The following ELOVL5 variants were observed in gnomAD, a reference collection of about 807,000 sequenced individuals.
ELOVL5 encodes ELOVL fatty acid elongase 5.
ELOVL5 carries 8 observed loss-of-function variants against 38.6 expected under a neutral mutation model. The ratio of observed to expected loss-of-function variants is 0.21; its 90% CI spans 0.12 to 0.37. The LOEUF is 0.37. ELOVL5 is among the 10% of genes least tolerant of loss of function. The pLI is 1.00. For synonymous variants in ELOVL5, 127 were observed against 133.7 expected (o/e 0.95, Z 0.34); for missense variants, 280 against 367.8 (o/e 0.76, Z 1.95).
chr6:53,304,967 G>A (rs1388804641), intron 1 of ELOVL5, among the ~76,000 whole-genome samples: 1 of 151,938 alleles, frequency 6.6e-6, no homozygotes. Flanking sequence ...GGTGGTGGCC[G>A]GGCAGAGGGG....
rs1765822010 is a variant in ELOVL5 at position 53,268,851 on chromosome 6, A to C, written c.*276T>G. On this transcript the variant is annotated 3_prime_UTR_variant, in exon 8 of 8. Transcript: ENST00000304434. ...ACAATTCAGCACCTATCATGTTATA[A>C]CTAATAAGGCAACAGCAGTGTTGTA... is the stretch of plus-strand genomic sequence containing the variant. 1 of 279,706 alleles carries C rather than the reference A, an allele frequency of 3.6e-6. No individual in the cohort carries two copies. The highest frequency in any genetic ancestry group is 6.6e-6 in the Non-Finnish European group (1 of 151,080). The allele number at this position is 279,706 out of a possible 1,614,324, so 17.3% of individuals were successfully genotyped here.
intron 2 of ELOVL5, chr6:53,294,234 T>C: frequency 6.6e-7 from 1 of 1,513,928 alleles, no homozygotes; most frequent in Non-Finnish European, 8.9e-7. Context: ...TAGAGAATCC[T>C]TAGGATCTAG....
intron 1 of ELOVL5, among the ~76,000 whole-genome samples, chr6:53,338,027 C>G (rs1014357204): frequency 6.6e-6 from 1 of 151,954 alleles, no homozygotes; most frequent in Non-Finnish European, 1.5e-5. Flanking sequence ...GTGGGGCACC[C>G]AACGATGAAA....
intron 1 of ELOVL5, among the ~76,000 whole-genome samples, chr6:53,314,763 C>T (rs1767965882): frequency 6.6e-6 from 1 of 152,120 alleles, no homozygotes; most frequent in African/African-American, 2.4e-5. Flanking sequence ...AACAGCTTAA[C>T]ACACACCCAC....
chr6:53,337,063 T>C lies in ELOVL5; in HGVS notation c.-9+11754A>G, dbSNP rs116024475. The C allele has an allele frequency of 5.0e-4, 76 of 152,364 alleles. 1 individual carries two copies. Among genetic ancestry groups the C allele is most frequent in the African/African-American group, 1.7e-3 (70 of 41,564 alleles). 9.4% of individuals were successfully genotyped at this position (152,364 alleles called of 1,614,324 possible). The stretch of plus-strand genomic sequence containing the variant: ...GTCTTTGATCTCCTCGGAAGCCTCA[T>C]CTACATATTTTGGGTAACAGGGTAC... On this transcript the variant is annotated intron_variant, in intron 1 of 7. Coordinates refer to ENST00000304434, the MANE Select transcript of ELOVL5 (RefSeq NM_021814.5).
chr6:53,279,776 C>A (rs2127569652), intron 3 of ELOVL5, among the ~76,000 whole-genome samples: 1 of 152,278 alleles, frequency 6.6e-6, no homozygotes, highest in Middle Eastern at 3.4e-3. Flanking sequence ...ATTCTCAAAT[C>A]TCCCTGGCTT....
intron 1 of ELOVL5, among the ~76,000 whole-genome samples, chr6:53,324,009 T>C (rs1768405897): frequency 6.6e-6 from 1 of 152,108 alleles, no homozygotes; most frequent in African/African-American, 2.4e-5. Flanking sequence ...TCCTAGCACT[T>C]TGGGAGACTG....
intron 1 of ELOVL5, among the ~76,000 whole-genome samples, chr6:53,334,425 C>T (rs1381364386): frequency 6.6e-6 from 1 of 152,108 alleles, no homozygotes; most frequent in Non-Finnish European, 1.5e-5. Flanking sequence ...TTTTAATTTA[C>T]TAATTTTTAA....
intron 3 of ELOVL5, chr6:53,290,642 T>C (rs1026389702): frequency 6.6e-6 from 1 of 152,322 alleles, no homozygotes; most frequent in Non-Finnish European, 1.5e-5. Context: ...TCAGAATATC[T>C]GTACCTTGGC....
At chr6:53,347,091 A>G (rs866509137) in intron 1 of ELOVL5, among the ~76,000 whole-genome samples, 1 of 152,214 alleles carries the variant, frequency 6.6e-6, no homozygotes, top group Admixed American at 6.5e-5. Flanking sequence ...TTCTTGAAAA[A>G]CATCAAATTT....
intron 1 of ELOVL5, among the ~76,000 whole-genome samples, chr6:53,344,800 T>C (rs148628066): frequency 1.1e-3 from 164 of 152,332 alleles, no homozygotes; most frequent in Non-Finnish European, 1.8e-3. Flanking sequence ...TATTTGCTTT[T>C]TGCCCAATGA....
rs530539184 is a variant in ELOVL5, at chr6:53,297,521, G to A, written c.-8-1814C>T. ...TCACCGTAGACACTTCTTCACCCTT[G>A]AGTCACTTTGTAACCTTCTGGGTTA... On this transcript the variant is annotated intron_variant, in intron 1 of 7. Transcript: ENST00000304434. Among the ~76,000 whole-genome samples, 5 of 152,222 alleles carry A rather than the reference G, an allele frequency of 3.3e-5. No homozygotes were observed. In the East Asian group the frequency reaches 9.6e-4, roughly 29 times the overall value.
chr6:53,284,677 C>T (rs1403573849), intron 3 of ELOVL5, among the ~76,000 whole-genome samples: 1 of 152,188 alleles, frequency 6.6e-6, no homozygotes, highest in Non-Finnish European at 1.5e-5. Flanking sequence ...TCTGTGGCAA[C>T]TCTGCATTAA....
intron 5 of ELOVL5, 76 bp downstream of exon 5, chr6:53,275,011 GCAC>G (rs1309267320): frequency 2.5e-5 from 34 of 1,375,438 alleles, no homozygotes; most frequent in Non-Finnish European, 3.0e-5. Flanking sequence ...TACAGAAACA[GCAC>G]CTTTTCTGAA....
At chr6:53,304,631 A>G (rs974915556) in intron 1 of ELOVL5, among the ~76,000 whole-genome samples, 3 of 152,162 alleles carry the variant, frequency 2.0e-5, no homozygotes, top group African/African-American at 7.2e-5. Flanking sequence ...GATGACTCTC[A>G]ACGAGCATGC....
At chr6:53,289,208 C>G (rs889698186) in intron 3 of ELOVL5, among the ~76,000 whole-genome samples, 3 of 152,204 alleles carry the variant, frequency 2.0e-5, no homozygotes, top group African/African-American at 7.2e-5. Flanking sequence ...AAATTCTTTA[C>G]AGCCCCAAAT....
At chr6:53,288,405 C>T (rs553784765) in intron 3 of ELOVL5, among the ~76,000 whole-genome samples, 21 of 152,212 alleles carry the variant, frequency 1.4e-4, no homozygotes, top group African/African-American at 1.9e-4. Context: ...ATTTCATTTC[C>T]GAGCTTTCAC....
intron 1 of ELOVL5, among the ~76,000 whole-genome samples, chr6:53,345,055 G>A (rs1210838150): frequency 2.0e-5 from 3 of 152,180 alleles, no homozygotes; most frequent in Non-Finnish European, 4.4e-5. Flanking sequence ...CACTTCCCTG[G>A]TTCTGGGATG....
intron 1 of ELOVL5, among the ~76,000 whole-genome samples, chr6:53,345,568 G>GC (rs1337318246): frequency 6.6e-6 from 1 of 152,224 alleles, no homozygotes; most frequent in African/African-American, 2.4e-5. Flanking sequence ...TTTGTATCCA[G>GC]CCCCTCACAC....
Sources: allele counts gnomAD v4.1 joint callset (sites outside exome capture counted in the v4.1 genomes callset), GRCh38; gene constraint gnomAD v4.1.1; transcripts MANE v1.5; gene names NCBI Gene and HGNC (gene_info 2026-07-23, HGNC 2026-07-21).